The following CLASP1 variants were observed in gnomAD, a reference collection of about 807,000 sequenced individuals.
The protein encoded by CLASP1 is CLIP-associating protein 1.
Under a neutral mutation model 192.3 loss-of-function variants are expected in CLASP1, and 38 were observed. The observed-to-expected ratio is 0.20, with a 90% CI of 0.15 to 0.26. CLASP1 has a LOEUF of 0.26. CLASP1 is among the 10% of genes least tolerant of loss of function. The pLI, the probability that CLASP1 is intolerant of heterozygous loss-of-function variation, is 1.00. For synonymous variants in CLASP1, 691 were observed against 712.8 expected, an observed-to-expected ratio of 0.97 and a Z score of 0.49; for missense variants, 1,433 against 1,932.5, an observed-to-expected ratio of 0.74 and a Z score of 4.85.
At chr2:121,645,897 G>A (rs2073091833) in intron 1 of CLASP1, among the ~76,000 whole-genome samples, 1 of 152,196 alleles carries the variant, frequency 6.6e-6, no homozygotes, top group African/African-American at 2.4e-5. Context: ...AAGCCCTGGG[G>A]AGGTGAAGAA....
At chr2:121,459,692 G>A (rs1216188233) in intron 12 of CLASP1, 1 of 253,792 alleles carries the variant, frequency 3.9e-6, no homozygotes, top group Admixed American at 5.2e-5. Flanking sequence ...AAAAATCAGA[G>A]AAACAGGATT....
At chr2:121,406,685 G>T (rs2076954756) in intron 25 of CLASP1, among the ~76,000 whole-genome samples, 1 of 152,050 alleles carries the variant, frequency 6.6e-6, no homozygotes, top group African/African-American at 2.4e-5. Context: ...CCAACTCTGG[G>T]CTCATGTGAT....
At chr2:121,344,296 A>G (rs1201004766) in intron 39 of CLASP1, among the ~76,000 whole-genome samples, 3 of 151,976 alleles carry the variant, frequency 2.0e-5, no homozygotes, top group African/African-American at 4.8e-5. Context: ...CGTACAGAAG[A>G]TATCTCTTCC....
intron 39 of CLASP1, among the ~76,000 whole-genome samples, chr2:121,343,359 A>G (rs887112919): frequency 7.2e-5 from 11 of 152,204 alleles, no homozygotes; most frequent in African/African-American, 2.4e-4. Context: ...TAAGGACTTG[A>G]ACAGGTGCAC....
At chr2:121,518,486 T>A (rs1261337778) in intron 6 of CLASP1, among the ~76,000 whole-genome samples, 2 of 152,190 alleles carry the variant, frequency 1.3e-5, no homozygotes, top group East Asian at 3.9e-4. Flanking sequence ...TCTACAGCAT[T>A]TTGTTATGGC....
chr2:121,452,920 T>C (rs1267359465), intron 14 of CLASP1, among the ~76,000 whole-genome samples: 1 of 152,242 alleles, frequency 6.6e-6, no homozygotes, highest in Non-Finnish European at 1.5e-5. Flanking sequence ...GTAAAATCTT[T>C]CTCTAAAGAA....
Position 121,372,868 on chromosome 2 carries a change from G to A in CLASP1, c.3642+4631C>T, listed in dbSNP as rs148552158. On this transcript the variant is annotated intron_variant, in intron 34 of 39. Coordinates refer to ENST00000263710, the Ensembl canonical transcript of CLASP1. ...CTGAATCTCCCCAACCACTCCTCAT[G>A]CCCACTCTTCTCCACTTCAGCCACT... Among the ~76,000 whole-genome samples the A allele has an allele frequency of 9.2e-5, 14 of 152,206 alleles. No homozygotes were observed. The East Asian group carries it at 2.7e-3, about 29-fold the overall frequency.
chr2:121,585,614 C>A (rs1340933676), intron 2 of CLASP1, among the ~76,000 whole-genome samples: 1 of 152,160 alleles, frequency 6.6e-6, no homozygotes, highest in Non-Finnish European at 1.5e-5. Context: ...AAAAATAAGT[C>A]TTTTGGCCAG....
At chr2:121,514,977 G>T (rs1409345034) in intron 7 of CLASP1, among the ~76,000 whole-genome samples, 1 of 152,038 alleles carries the variant, frequency 6.6e-6, no homozygotes, top group Non-Finnish European at 1.5e-5. Flanking sequence ...GTCCACTCCA[G>T]TTCTATCTGG....
intron 2 of CLASP1, among the ~76,000 whole-genome samples, chr2:121,563,215 C>T (rs748366338): frequency 1.3e-5 from 2 of 152,200 alleles, no homozygotes; most frequent in Non-Finnish European, 2.9e-5. Context: ...CATAAGTGGG[C>T]ACTTGATTTT....
intron 8 of CLASP1, among the ~76,000 whole-genome samples, chr2:121,478,716 A>AACCACACACAC (rs1183932247): frequency 8.5e-5 from 2 of 23,582 alleles, no homozygotes; most frequent in African/African-American, 3.1e-4. Context: ...CCACACACAC[A>AACCACACACAC]ACCACACACA....
At chr2:121,555,153 C>T (rs1230615439) in intron 2 of CLASP1, among the ~76,000 whole-genome samples, 1 of 152,204 alleles carries the variant, frequency 6.6e-6, no homozygotes, top group African/African-American at 2.4e-5. Flanking sequence ...CAAACCTCAG[C>T]AGGTCTCTCT....
intron 2 of CLASP1, among the ~76,000 whole-genome samples, chr2:121,593,070 G>A (rs1384930012): frequency 1.3e-5 from 2 of 152,164 alleles, no homozygotes; most frequent in African/African-American, 4.8e-5. Context: ...ATTAGAAAGA[G>A]GGGAAAAAAG....
At chr2:121,525,160 T>C (rs115863228) in intron 6 of CLASP1, among the ~76,000 whole-genome samples, 22 of 152,262 alleles carry the variant, frequency 1.4e-4, no homozygotes, top group African/African-American at 4.3e-4. Flanking sequence ...TTGTATGAGA[T>C]GACATAATAA....
intron 9 of CLASP1, among the ~76,000 whole-genome samples, chr2:121,468,046 A>C (rs1575146441): frequency 6.6e-6 from 1 of 152,200 alleles, no homozygotes; most frequent in East Asian, 1.9e-4. Flanking sequence ...TAAACAGGGA[A>C]TTCTTTCCCC....
At chr2:121,539,935 C>T (rs1327021048) in intron 2 of CLASP1, among the ~76,000 whole-genome samples, 2 of 152,130 alleles carry the variant, frequency 1.3e-5, no homozygotes, top group Non-Finnish European at 2.9e-5. Context: ...ATGGCTAAAA[C>T]GGAAAAAGAC....
chr2:121,455,049 C>T (rs1259737205), intron 14 of CLASP1, among the ~76,000 whole-genome samples: 1 of 152,170 alleles, frequency 6.6e-6, no homozygotes, highest in Non-Finnish European at 1.5e-5. Context: ...TCTGGCATGC[C>T]AACTTTACAT....
In CLASP1 at chr2:121,348,668, G is replaced by A. The variant is rs753252465; in HGVS notation, c.4257C>T (p.His1419=). The A allele has an allele frequency of 5.0e-6, 8 of 1,613,788 alleles. No individual in the cohort carries two copies. The South Asian group carries it at 7.7e-5, about 16-fold the overall frequency. ...AGAGCACCTTGATGCACTGCTCCGG[G>A]TGGATGGAACTGGCCAGTGTGGACG... The change falls in exon 38 of 40, where the codon CAC becomes CAT. Residue 1419 remains histidine, a synonymous_variant. Coordinates refer to ENST00000263710, the Ensembl canonical transcript of CLASP1.
intron 19 of CLASP1, among the ~76,000 whole-genome samples, chr2:121,440,605 T>A (rs1052983045): frequency 6.6e-6 from 1 of 152,214 alleles, no homozygotes; most frequent in African/African-American, 2.4e-5. Context: ...GGTGGGAGGA[T>A]ACTTGAGCCT....
Sources: gnomAD v4.1 joint callset for allele counts (sites outside exome capture counted in the v4.1 genomes callset) on GRCh38, gnomAD v4.1.1 for gene constraint, MANE v1.5 for transcripts, NCBI Gene and HGNC (gene_info 2026-07-23, HGNC 2026-07-21) for gene names.